The following LAMA4 variants were observed in gnomAD, a reference collection of about 807,000 sequenced individuals.
LAMA4 encodes the protein laminin subunit alpha 4.
In LAMA4, 127 loss-of-function variants were observed where a neutral mutation model predicts 207.1. That is an observed-to-expected ratio of 0.61 (90% CI 0.53 to 0.71). LAMA4 has a LOEUF of 0.71. Ranked by LOEUF, LAMA4 falls within the 30% of genes least tolerant of loss-of-function variation. The pLI, the probability that LAMA4 is intolerant of heterozygous loss-of-function variation, is 0.00. For synonymous variants in LAMA4, 761 were observed against 816.0 expected, an observed-to-expected ratio of 0.93 and a Z score of 1.15; for missense variants, 2,093 against 2,246.5, an observed-to-expected ratio of 0.93 and a Z score of 1.38.
intron 18 of LAMA4, among the ~76,000 whole-genome samples, chr6:112,146,960 C>T (rs185489405): frequency 6.6e-6 from 1 of 152,188 alleles, no homozygotes; most frequent in Non-Finnish European, 1.5e-5. Context: ...AGTCCCCCTG[C>T]TCCCTACAAT....
chr6:112,216,846 C>T (rs1173505517), intron 2 of LAMA4: 6 of 324,788 alleles, frequency 1.8e-5, no homozygotes, highest in Admixed American at 4.4e-5. Context: ...AAGTATTAGT[C>T]AGGGTGAGGT....
intron 9 of LAMA4, chr6:112,179,142 G>A (rs368312322): frequency 7.9e-5 from 12 of 152,200 alleles, no homozygotes; most frequent in African/African-American, 2.2e-4. Flanking sequence ...GCTCTTCTCC[G>A]AGAAGCTGAT....
At chr6:112,145,764 AG>A (rs1475655405) in intron 18 of LAMA4, among the ~76,000 whole-genome samples, 4 of 152,178 alleles carry the variant, frequency 2.6e-5, no homozygotes, top group African/African-American at 9.7e-5. Context: ...TGACATTTAT[AG>A]TACTTACTGA....
rs782300635 is a variant in LAMA4, at chr6:112,175,452, C to T, written c.1218G>A (p.Gly406=). The change falls in exon 11 of 39, where the codon GGG becomes GGA. Residue 406 remains glycine (G), a synonymous_variant. Transcript: ENST00000230538. ...CCTTGGGGCTAAGTTCATGCTCTTC[C>T]CCATAATAGAGCATCTTGTTGTTGA... ...QEINNKMLYY[G]EEHELSPKEI... is the part of the protein sequence containing the mutation. 1.3e-5 allele frequency: 21 copies of T among 1,614,002 alleles called. No homozygotes were observed. The highest frequency in any genetic ancestry group is 1.8e-5 in the Non-Finnish European group (21 of 1,180,000).
chr6:112,135,954 T>C lies in LAMA4; in HGVS notation c.3414+169A>G, dbSNP rs2032566. The C allele has an allele frequency of 0.75, 450,734 of 599,566 alleles. 171,210 individuals carry two copies. Among genetic ancestry groups the C allele is most frequent in the African/African-American group, 0.86 (46,280 of 53,702 alleles). The allele number at this position is 599,566 out of a possible 1,614,324, so 37.1% of individuals were successfully genotyped here. A position where few individuals can be genotyped will look rare whatever the true frequency, so the allele number is the denominator to read the frequency against. On this transcript the variant is annotated intron_variant, in intron 25 of 38. Coordinates refer to ENST00000230538, the MANE Select transcript of LAMA4 (RefSeq NM_001105206.3). Reference sequence around the variant, plus strand: ...GAAAAATACATCCAATGTTTTAAAGTAAATGTTTTCCTAGGGTTGAGAAGA... The same window carrying C: ...GAAAAATACATCCAATGTTTTAAAGCAAATGTTTTCCTAGGGTTGAGAAGA...
intron 6 of LAMA4, among the ~76,000 whole-genome samples, chr6:112,190,542 A>T (rs746482099): frequency 6.6e-6 from 1 of 152,244 alleles, no homozygotes; most frequent in African/African-American, 2.4e-5. Flanking sequence ...TCAAAGTCAC[A>T]TAAGAGTAAG....
At chr6:112,165,979 CAT>C (rs1379872209) in intron 12 of LAMA4, among the ~76,000 whole-genome samples, 5 of 151,980 alleles carry the variant, frequency 3.3e-5, no homozygotes, top group Non-Finnish European at 7.4e-5. Flanking sequence ...TTGAAAGAAA[CAT>C]AGAAAGAAAC....
At chr6:112,110,556 C>G (rs1285155308) in intron 38 of LAMA4, among the ~76,000 whole-genome samples, 1 of 152,172 alleles carries the variant, frequency 6.6e-6, no homozygotes, top group African/African-American at 2.4e-5. Context: ...GAATGATAAT[C>G]ATAAAAGTTT....
At chr6:112,189,450 A>G (rs1334010358) in intron 6 of LAMA4, among the ~76,000 whole-genome samples, 2 of 152,078 alleles carry the variant, frequency 1.3e-5, no homozygotes, top group Non-Finnish European at 2.9e-5. Flanking sequence ...GTTTTCTAGG[A>G]TTTCTCTCCC....
chr6:112,178,302 G>T, intron 9 of LAMA4, 70 bp from the exon 10 acceptor site: 1 of 1,064,080 alleles, frequency 9.4e-7, no homozygotes, highest in Non-Finnish European at 1.4e-6. Context: ...ACAGATAGGG[G>T]TGGGTGGGCA....
In LAMA4 at chr6:112,120,302, T is replaced by C. The variant is rs12110554; in HGVS notation, c.4646A>G (p.Asn1549Ser). The change falls in exon 33 of 39, where the codon AAT becomes AGT. Residue 1549 changes from asparagine (N) to serine (S), a missense_variant. This residue lies in a region of LAMA4 where 383 missense variants were observed against 437.8 expected (regional missense o/e 0.87). Coordinates refer to ENST00000230538, the MANE Select transcript of LAMA4 (RefSeq NM_001105206.3). ...KLKIRSQEKY[N>S]DGLWHDVIFI... ...ACTTACATCATGCCACAGGCCATCA[T>C]TGTATTTCTCCTGGCTTCTAATCTT... 2.8e-3 allele frequency: 4,561 copies of C among 1,613,886 alleles called. 125 individuals are homozygous for C. In the African/African-American group the frequency reaches 0.054, roughly 19 times the overall value.
In LAMA4 at chr6:112,158,810, C is replaced by T. The variant is rs1234385384; in HGVS notation, c.1739G>A (p.Ser580Asn). The T allele has an allele frequency of 6.2e-7, 1 of 1,612,770 alleles. No homozygotes were observed. Among genetic ancestry groups the T allele is most frequent in the Non-Finnish European group, 8.5e-7 (1 of 1,178,948 alleles). ...TTGGACTAAATCATGGCTGAGGTTACTTAGGTTAGATAGTTTTACTTGTAG... is the reference window on the plus strand; with the variant it reads ...TTGGACTAAATCATGGCTGAGGTTATTTAGGTTAGATAGTTTTACTTGTAG... ...SELQVKLSNLSNLSHDLVQEA... is the reference protein window; with the variant it reads ...SELQVKLSNLNNLSHDLVQEA... Residue 580 changes from serine (S) to asparagine (N), a missense_variant, in exon 14 of 39, where the codon AGT becomes AAT. Physicochemically the swap from Ser to Asn is conservative, Grantham distance 46. This residue lies in a region of LAMA4 where 1,704 missense variants were observed against 1,788.4 expected (regional missense o/e 0.95). Transcript: ENST00000230538.
chr6:112,254,358 T>TCTCC, intron 1 of LAMA4, 67 bp from the exon 2 acceptor site: 1 of 606,374 alleles, frequency 1.6e-6, no homozygotes, highest in African/African-American at 1.9e-5. Context: ...TCTCTCTCTC[T>TCTCC]CCCCTTCTCC....
rs782572887 is a variant in LAMA4, at chr6:112,115,999, G to A, written c.4982-6C>T. The A allele has an allele frequency of 6.2e-7, 1 of 1,611,678 alleles. No homozygotes were observed. The highest frequency in any genetic ancestry group is 1.7e-5 in the Admixed American group (1 of 59,938). On this transcript the variant is annotated splice_region_variant and splice_polypyrimidine_tract_variant and intron_variant, in intron 35 of 38. Transcript: ENST00000230538. Reference sequence around the variant, plus strand: ...TCCAATATTGAAAGATTCATCTGTGGAGAGAAACACTATAAACTCCCAAGA... The same window carrying A: ...TCCAATATTGAAAGATTCATCTGTGAAGAGAAACACTATAAACTCCCAAGA...
In LAMA4 at chr6:112,139,636, T is replaced by G. The variant is rs75307860; in HGVS notation, c.3110+116A>C. ...TTTTTGCAGGTATGACTTATGTAGT[T>G]TCAAAACTGGCTTCCCCAAAGAAAA... On this transcript the variant is annotated intron_variant, in intron 23 of 38. Coordinates refer to ENST00000230538, the MANE Select transcript of LAMA4 (RefSeq NM_001105206.3). 1,819 of 1,273,904 alleles carry G rather than the reference T, an allele frequency of 1.4e-3. 19 individuals are homozygous for G. In the African/African-American group the frequency reaches 0.022, roughly 16 times the overall value. 78.9% of individuals were successfully genotyped at this position (1,273,904 alleles called of 1,614,324 possible). A position where few individuals can be genotyped will look rare whatever the true frequency, so the allele number is the denominator to read the frequency against.
chr6:112,191,355 A>G (rs558565697), intron 6 of LAMA4, among the ~76,000 whole-genome samples: 3 of 152,274 alleles, frequency 2.0e-5, no homozygotes, highest in East Asian at 3.9e-4. Flanking sequence ...TATTTCTTTG[A>G]TTAAAACTAG....
chr6:112,247,277 CCAAAGT>C (rs1446441973), intron 2 of LAMA4, among the ~76,000 whole-genome samples: 1 of 152,042 alleles, frequency 6.6e-6, no homozygotes, highest in Non-Finnish European at 1.5e-5. Context: ...TCCAATTTGC[CCAAAGT>C]CAAACAGCTA....
rs1583875280 is a variant in LAMA4 at position 112,201,459 on chromosome 6, C to T, written c.503+149G>A. The T allele has an allele frequency of 6.4e-6, 5 of 782,848 alleles. No homozygotes were observed. The East Asian group carries it at 9.8e-5, about 15-fold the overall frequency. The allele number at this position is 782,848 out of a possible 1,614,324, so 48.5% of individuals were successfully genotyped here. On this transcript the variant is annotated intron_variant, in intron 5 of 38. Transcript: ENST00000230538. Reference sequence around the variant, plus strand: ...TGGGGGATGGGATTTAGGAAAACTTCCCTAAGGGGTTTTGAAATGCAGTCC... The same window carrying T: ...TGGGGGATGGGATTTAGGAAAACTTTCCTAAGGGGTTTTGAAATGCAGTCC...
chr6:112,235,182 T>C (rs1785829478), intron 2 of LAMA4, among the ~76,000 whole-genome samples: 2 of 152,310 alleles, frequency 1.3e-5, no homozygotes, highest in South Asian at 4.1e-4. Context: ...ACCCCTGAAA[T>C]ACCCCTTTTT....
Sources: allele counts gnomAD v4.1 joint callset (sites outside exome capture counted in the v4.1 genomes callset), GRCh38; gene constraint gnomAD v4.1.1; regional missense constraint gnomAD v4.1.1; transcripts MANE v1.5; gene names NCBI Gene and HGNC (gene_info 2026-07-23, HGNC 2026-07-21).